Variants in TCF4 observed in about 807,000 individuals in gnomAD.
The protein encoded by TCF4 is SL3-3 enhancer factor 2.
A neutral mutation model predicts 82.1 loss-of-function variants in TCF4; 3 were observed. The ratio of observed to expected loss-of-function variants is 0.04; its 90% CI spans 0.02 to 0.09. The LOEUF (loss-of-function observed/expected upper bound fraction) is 0.09. TCF4 is among the 10% of genes least tolerant of loss of function. The probability of loss-of-function intolerance (pLI) is 1.00; values close to 1 mark genes in which losing one functional copy is unlikely to be tolerated. For missense variants in TCF4, 518 were observed against 852.7 expected, an observed-to-expected ratio of 0.61 and a Z score of 4.89; for synonymous variants, 276 against 309.6, an observed-to-expected ratio of 0.89 and a Z score of 1.14.
intron 3 of TCF4, 28 bp from the exon 4 acceptor site, chr18:55,464,165 C>CA: frequency 6.2e-7 from 1 of 1,607,638 alleles, no homozygotes; most frequent in Non-Finnish European, 8.5e-7. Flanking sequence ...GTTCTTTAGG[C>CA]TTTCTTGCAG....
intron 8 of TCF4, among the ~76,000 whole-genome samples, chr18:55,347,336 T>C (rs2081395968): frequency 6.6e-6 from 1 of 152,026 alleles, no homozygotes; most frequent in Non-Finnish European, 1.5e-5. Flanking sequence ...ACACAGGCTT[T>C]CCTTTAAAAA....
At chr18:55,473,890 T>C (rs368548160) in intron 3 of TCF4, among the ~76,000 whole-genome samples, 27 of 152,268 alleles carry the variant, frequency 1.8e-4, no homozygotes, top group South Asian at 6.2e-4. Context: ...ACTGGCATAA[T>C]AAGGAGGCTC....
intron 5 of TCF4, among the ~76,000 whole-genome samples, chr18:55,432,839 C>T (rs2095241698): frequency 6.6e-6 from 1 of 152,170 alleles, no homozygotes; most frequent in Non-Finnish European, 1.5e-5. Context: ...AAATACAAGT[C>T]CTCACCAGAT....
intron 18 of TCF4, 72 bp from the exon 19 acceptor site, chr18:55,228,433 C>A (rs1381579247): frequency 2.5e-6 from 4 of 1,586,172 alleles, no homozygotes; most frequent in Admixed American, 1.7e-5. Context: ...ATGCACTCTT[C>A]TTGCGTGTCT....
chr18:55,454,986 A>G (rs2144546074), intron 5 of TCF4, among the ~76,000 whole-genome samples: 1 of 152,196 alleles, frequency 6.6e-6, no homozygotes, highest in African/African-American at 2.4e-5. Flanking sequence ...CAGGAGTTCA[A>G]GACCAGCCTG....
chr18:55,560,361 G>A (rs550074482), intron 3 of TCF4, among the ~76,000 whole-genome samples: 7 of 152,288 alleles, frequency 4.6e-5, no homozygotes, highest in African/African-American at 9.6e-5. Context: ...GGTATTAACT[G>A]CTAACATTTA....
At chr18:55,435,718 C>T (rs555185104) in intron 5 of TCF4, among the ~76,000 whole-genome samples, 34 of 152,316 alleles carry the variant, frequency 2.2e-4, no homozygotes, top group South Asian at 6.2e-4. Context: ...GACTCAAACA[C>T]GCCTCCATCC....
intron 2 of TCF4, among the ~76,000 whole-genome samples, chr18:55,611,727 ATAT>A (rs969129654): frequency 1.6e-4 from 25 of 152,184 alleles, no homozygotes; most frequent in Admixed American, 2.6e-4. Flanking sequence ...TATATGCGAA[ATAT>A]TATAATTTCA....
chr18:55,239,556 A>G (rs977803323), intron 15 of TCF4, among the ~76,000 whole-genome samples: 9 of 152,240 alleles, frequency 5.9e-5, no homozygotes, highest in African/African-American at 1.7e-4. Flanking sequence ...CATATAACAT[A>G]CATATATATA....
chr18:55,379,245 G>C (rs1214218178), intron 6 of TCF4, among the ~76,000 whole-genome samples: 2 of 152,162 alleles, frequency 1.3e-5, no homozygotes, highest in Non-Finnish European at 2.9e-5. Flanking sequence ...CGAAAGGAAG[G>C]CTGAAAAAGA....
At chr18:55,234,326 G>C in intron 16 of TCF4, 2 of 638,518 alleles carry the variant, frequency 3.1e-6, no homozygotes, top group East Asian at 5.5e-5. Flanking sequence ...TGCTGATATA[G>C]GACCAGGATT....
intron 2 of TCF4, among the ~76,000 whole-genome samples, chr18:55,597,372 C>G (rs1217761838): frequency 6.6e-6 from 1 of 152,018 alleles, no homozygotes; most frequent in Non-Finnish European, 1.5e-5. Flanking sequence ...TATTTCAAAC[C>G]CGAGAGCTGC....
At chr18:55,291,678 CTCTG>C (rs2065126438) in intron 8 of TCF4, among the ~76,000 whole-genome samples, 1 of 152,176 alleles carries the variant, frequency 6.6e-6, no homozygotes, top group Non-Finnish European at 1.5e-5. Context: ...TCAGCTGCTT[CTCTG>C]TCTGTTACCC....
intron 3 of TCF4, among the ~76,000 whole-genome samples, chr18:55,525,297 AT>A (rs199841568): frequency 6.6e-6 from 1 of 151,018 alleles, no homozygotes; most frequent in African/African-American, 2.4e-5. Flanking sequence ...CCTTTGATTG[AT>A]TTTTTTTTCC....
intron 3 of TCF4, among the ~76,000 whole-genome samples, chr18:55,484,115 A>G (rs945273833): frequency 6.6e-6 from 1 of 152,108 alleles, no homozygotes; most frequent in Non-Finnish European, 1.5e-5. Context: ...CTATTTTCTT[A>G]TGTTATGAGA....
chr18:55,311,417 C>T (rs1602239146), intron 8 of TCF4, among the ~76,000 whole-genome samples: 1 of 152,214 alleles, frequency 6.6e-6, no homozygotes, highest in African/African-American at 2.4e-5. Flanking sequence ...AAGCTCCTGC[C>T]TGACCCCCAC....
At chr18:55,258,832 TACA>T (rs1174225483) in intron 13 of TCF4, among the ~76,000 whole-genome samples, 1 of 151,932 alleles carries the variant, frequency 6.6e-6, no homozygotes. Flanking sequence ...ACCCGAGGAG[TACA>T]ACAATACTGA....
intron 3 of TCF4, among the ~76,000 whole-genome samples, chr18:55,514,446 C>CACACA: frequency 1.3e-5 from 2 of 149,112 alleles, no homozygotes; most frequent in South Asian, 2.1e-4. Flanking sequence ...CACACACACA[C>CACACA]CCCAATCATA....
At chr18:55,229,960 T>C (rs954156934) in intron 17 of TCF4, 3 of 152,080 alleles carry the variant, frequency 2.0e-5, no homozygotes, top group Admixed American at 6.6e-5. Flanking sequence ...CTGGACGATA[T>C]AGTGAGACCT....
Sources: gnomAD v4.1 joint callset for allele counts (sites outside exome capture counted in the v4.1 genomes callset) on GRCh38, gnomAD v4.1.1 for gene constraint, MANE v1.5 for transcripts, NCBI Gene and HGNC (gene_info 2026-07-23, HGNC 2026-07-21) for gene names.